The following CD9 variants were observed in gnomAD, a reference collection of about 807,000 sequenced individuals.
The protein encoded by CD9 is CD9 antigen.
CD9 carries 10 observed loss-of-function variants against 31.4 expected under a neutral mutation model. That is an observed-to-expected ratio of 0.32 (90% CI 0.20 to 0.54). The LOEUF is 0.54. Ranked by LOEUF, CD9 falls within the 20% of genes least tolerant of loss-of-function variation. CD9 has a pLI of 0.94. For missense variants in CD9, 259 were observed against 300.1 expected, an observed-to-expected ratio of 0.86 and a Z score of 1.01; for synonymous variants, 113 against 114.1, an observed-to-expected ratio of 0.99 and a Z score of 0.06.
chr12:6,206,424 A>G (rs1001221348), intron 1 of CD9, among the ~76,000 whole-genome samples: 1 of 152,084 alleles, frequency 6.6e-6, no homozygotes, highest in African/African-American at 2.4e-5. Flanking sequence ...GGATCTCACT[A>G]TGTTGCCCAG....
chr12:6,219,728 GC>G (rs1286946256), intron 1 of CD9, among the ~76,000 whole-genome samples: 3 of 151,948 alleles, frequency 2.0e-5, no homozygotes, highest in African/African-American at 7.3e-5. Context: ...CTCATGATCC[GC>G]CCGCCTCGGC....
chr12:6,224,256 C>CTT (rs1946333522), intron 1 of CD9, among the ~76,000 whole-genome samples: 1 of 152,214 alleles, frequency 6.6e-6, no homozygotes, highest in South Asian at 2.1e-4. Flanking sequence ...ACAATCCCTG[C>CTT]TTTACAGATG....
chr12:6,216,409 C>T (rs775184252), intron 1 of CD9, among the ~76,000 whole-genome samples: 3 of 152,154 alleles, frequency 2.0e-5, no homozygotes, highest in Non-Finnish European at 4.4e-5. Context: ...ATGACAAAAA[C>T]AAAAACCAGG....
intron 1 of CD9, among the ~76,000 whole-genome samples, chr12:6,215,172 T>C (rs1274207430): frequency 6.6e-6 from 1 of 152,114 alleles, no homozygotes; most frequent in African/African-American, 2.4e-5. Flanking sequence ...TGCTCCCTCG[T>C]GGGGCTGGGC....
Position 6,228,530 on chromosome 12 carries a change from G to T in CD9, c.175+2996G>T, listed in dbSNP as rs559350174. 4.8e-5 allele frequency among the ~76,000 whole-genome samples: 6 copies of T among 124,796 alleles called. No individual in the cohort carries two copies. In the East Asian group the frequency reaches 1.4e-3, roughly 30 times the overall value. 81.9% of individuals were successfully genotyped at this position (124,796 alleles called of 152,430 possible). ...TCACACCACTGAGGCTCTGTCTCCA[G>T]CCTGGGAGACAGAGCGGGACTCCAT... On this transcript the variant is annotated intron_variant, in intron 2 of 7. Transcript: ENST00000009180.
chr12:6,207,190 C>T (rs766173331), intron 1 of CD9, among the ~76,000 whole-genome samples: 4 of 152,154 alleles, frequency 2.6e-5, no homozygotes, highest in African/African-American at 7.2e-5. Flanking sequence ...CCTGAGCTCA[C>T]GCTATAAATG....
At chr12:6,235,725 C>G (rs900758394) in intron 6 of CD9, 160 bp downstream of exon 6, 6 of 1,425,614 alleles carry the variant, frequency 4.2e-6, no homozygotes, top group Non-Finnish European at 5.5e-6. Flanking sequence ...TTTGGGCCCT[C>G]TGTTTACTCA....
At chr12:6,237,576 C>T (rs766536369) in intron 7 of CD9, among the ~76,000 whole-genome samples, 187 bp from the exon 8 acceptor site, 34 of 152,196 alleles carry the variant, frequency 2.2e-4, no homozygotes, top group Non-Finnish European at 4.7e-4. Context: ...AGATTCCTCA[C>T]GTCCCGCACC....
chr12:6,234,299 G>A (rs1555090747), intron 4 of CD9: 1 of 152,144 alleles, frequency 6.6e-6, no homozygotes, highest in Non-Finnish European at 1.5e-5. Flanking sequence ...AAGGAAGAGA[G>A]ATGCTGAGAT....
chr12:6,228,055 C>T (rs528805399), intron 2 of CD9, among the ~76,000 whole-genome samples: 1 of 152,198 alleles, frequency 6.6e-6, no homozygotes, highest in Admixed American at 6.5e-5. Context: ...TTTGAAGGCA[C>T]AACCCCAAAG....
Position 6,237,901 on chromosome 12 carries a change from T to C in CD9, c.*73T>C. The C allele has an allele frequency of 8.3e-7, 1 of 1,202,920 alleles. No individual in the cohort carries two copies. Among genetic ancestry groups the C allele is most frequent in the Middle Eastern group, 1.9e-4 (1 of 5,162 alleles). 74.5% of individuals were successfully genotyped at this position (1,202,920 alleles called of 1,614,324 possible). Reference sequence around the variant, plus strand: ...GGGATTTTTTGTTTGTTTGTTTTGTTTTGTTTGTTGTTTGTTGTTTGTTTT... The same window carrying C: ...GGGATTTTTTGTTTGTTTGTTTTGTCTTGTTTGTTGTTTGTTGTTTGTTTT... On this transcript the variant is annotated 3_prime_UTR_variant, in exon 8 of 8. Coordinates refer to ENST00000009180, the MANE Select transcript of CD9 (RefSeq NM_001769.4).
At chr12:6,212,010 C>T (rs573883098) in intron 1 of CD9, among the ~76,000 whole-genome samples, 4 of 152,156 alleles carry the variant, frequency 2.6e-5, no homozygotes, top group Non-Finnish European at 2.9e-5. Flanking sequence ...TTTCTCAACT[C>T]GAACTTGTTC....
In CD9 at chr12:6,237,894, GTTTT is replaced by G; in HGVS notation, c.*67_*70del. On this transcript the variant is annotated 3_prime_UTR_variant, in exon 8 of 8. Coordinates refer to ENST00000009180, the MANE Select transcript of CD9 (RefSeq NM_001769.4). ...GATTGGTGGGATTTTTTGTTTGTTTGTTTTGTTTTGTTTGTTGTTTGTTGTTTGT... is the reference window on the plus strand; with the variant it reads ...GATTGGTGGGATTTTTTGTTTGTTTGGTTTTGTTTGTTGTTTGTTGTTTGT... 2.5e-6 allele frequency: 3 copies of G among 1,207,670 alleles called. No individual in the cohort carries two copies. The highest frequency in any genetic ancestry group is 3.7e-6 in the Non-Finnish European group (3 of 818,928). 74.8% of individuals were successfully genotyped at this position (1,207,670 alleles called of 1,614,324 possible).
At chr12:6,215,566 T>A (rs1160227682) in intron 1 of CD9, among the ~76,000 whole-genome samples, 5 of 152,166 alleles carry the variant, frequency 3.3e-5, no homozygotes, top group Admixed American at 6.5e-5. Context: ...TTTCCTGGGT[T>A]GCCTTTGAAG....
intron 2 of CD9, among the ~76,000 whole-genome samples, chr12:6,231,397 A>T (rs116478652): frequency 3.3e-3 from 507 of 152,334 alleles, no homozygotes; most frequent in African/African-American, 0.012. Context: ...AGAGTCACAG[A>T]TCTGGTGCTC....
At chr12:6,222,428 A>G (rs76590589) in intron 1 of CD9, among the ~76,000 whole-genome samples, 5,491 of 152,260 alleles carry the variant, frequency 0.036, 321 homozygotes, top group African/African-American at 0.12. Context: ...GACCTATGGC[A>G]GCTTTTCCCA....
chr12:6,216,441 G>A (rs1044968601), intron 1 of CD9, among the ~76,000 whole-genome samples: 19 of 152,182 alleles, frequency 1.2e-4, no homozygotes, highest in Non-Finnish European at 2.9e-5. Context: ...TCTTATTGAA[G>A]GAGGGTGATA....
At chr12:6,237,620 C>T (rs1173657690) in intron 7 of CD9, 143 bp from the exon 8 acceptor site, 1 of 573,486 alleles carries the variant, frequency 1.7e-6, no homozygotes, top group East Asian at 3.1e-5. Context: ...TCTCCTGCTT[C>T]AGCACCTTCT....
At chr12:6,201,920 C>A (rs1000498347) in intron 1 of CD9, among the ~76,000 whole-genome samples, 1 of 152,130 alleles carries the variant, frequency 6.6e-6, no homozygotes, top group Admixed American at 6.5e-5. Flanking sequence ...CACCTGTGAT[C>A]GCAGCTACTC....
Sources: gnomAD v4.1 joint callset for allele counts (sites outside exome capture counted in the v4.1 genomes callset) on GRCh38, gnomAD v4.1.1 for gene constraint, MANE v1.5 for transcripts, NCBI Gene and HGNC (gene_info 2026-07-23, HGNC 2026-07-21) for gene names.